The following PPFIA4 variants were observed in gnomAD, a reference collection of about 807,000 sequenced individuals.
PPFIA4 encodes the protein PPFI scaffold protein A4, also known as liprin-alpha-4.
Under a neutral mutation model 145.7 loss-of-function variants are expected in PPFIA4, and 98 were observed. The ratio of observed to expected loss-of-function variants is 0.67; its 90% CI spans 0.57 to 0.80. The LOEUF (loss-of-function observed/expected upper bound fraction) is 0.80. Among genes scored for constraint, PPFIA4 ranks in the 30% least tolerant of loss-of-function variants. PPFIA4 has a pLI of 0.00. For synonymous variants in PPFIA4, 628 were observed against 649.6 expected (o/e 0.97, Z 0.51); for missense variants, 1,457 against 1,632.7 (o/e 0.89, Z 1.85).
chr1:203,049,375 A>C (rs1474004530), intron 12 of PPFIA4, among the ~76,000 whole-genome samples: 2 of 152,182 alleles, frequency 1.3e-5, no homozygotes, highest in Non-Finnish European at 2.9e-5. Context: ...GCCCAGCCTC[A>C]TCTGCTGTGC....
Position 203,043,257 on chromosome 1 carries a change from C to A in PPFIA4, c.235-140C>A. On this transcript the variant is annotated intron_variant, in intron 2 of 29. Coordinates refer to ENST00000295706, the MANE Select transcript of PPFIA4 (RefSeq NM_001304331.2). The surrounding 1 kb of genome is among the most constrained non-coding windows in gnomAD (Gnocchi z 4.4). ...TGCTAGCTACAGGTTTACTGACCTG[C>A]AGTGTGGATGGATTGGGATTTTGTG... The A allele has an allele frequency of 4.3e-6, 3 of 701,108 alleles. No individual in the cohort carries two copies. Among genetic ancestry groups the A allele is most frequent in the Non-Finnish European group, 7.5e-6 (3 of 398,036 alleles). 43.4% of individuals were successfully genotyped at this position (701,108 alleles called of 1,614,324 possible).
At chr1:203,029,443 C>T (rs1658666525) in intron 1 of PPFIA4, among the ~76,000 whole-genome samples, 1 of 152,238 alleles carries the variant, frequency 6.6e-6, no homozygotes. Flanking sequence ...CTGGCTGTGC[C>T]AGAGACTGAG....
intron 1 of PPFIA4, among the ~76,000 whole-genome samples, chr1:203,033,198 T>C (rs188592194): frequency 1.3e-5 from 2 of 152,344 alleles, no homozygotes; most frequent in African/African-American, 4.8e-5. Context: ...TTGTGTGTTA[T>C]AATGTTCATT....
intron 2 of PPFIA4, among the ~76,000 whole-genome samples, chr1:203,039,945 T>G (rs1659582606): frequency 6.6e-6 from 1 of 152,236 alleles, no homozygotes; most frequent in South Asian, 2.1e-4. Flanking sequence ...AGGCAGGAAC[T>G]GAGCCTGGGG....
At chr1:203,045,764 G>A (rs1469938686) in intron 7 of PPFIA4, 77 bp from the exon 8 acceptor site, 4 of 1,600,580 alleles carry the variant, frequency 2.5e-6, no homozygotes, top group Non-Finnish European at 3.4e-6. Flanking sequence ...AATCAGCCAG[G>A]TGTGGGTGGG....
In PPFIA4 at chr1:203,051,419, T is replaced by C. The variant is rs549797721; in HGVS notation, c.1512-350T>C. ...GCCCTCCTGCGCCACGTGTGTCAGATGGCCGGAGAGCCTCTGCTCGAATAC... is the reference window on the plus strand; with the variant it reads ...GCCCTCCTGCGCCACGTGTGTCAGACGGCCGGAGAGCCTCTGCTCGAATAC... On this transcript the variant is annotated intron_variant, in intron 13 of 29. Coordinates refer to ENST00000295706, the MANE Select transcript of PPFIA4 (RefSeq NM_001304331.2). The C allele has an allele frequency of 1.2e-5, 9 of 770,792 alleles. No homozygotes were observed. The South Asian group carries it at 4.4e-4, about 37-fold the overall frequency. 47.7% of individuals were successfully genotyped at this position (770,792 alleles called of 1,614,324 possible).
chr1:203,065,009 G>A (rs59870796), intron 25 of PPFIA4, among the ~76,000 whole-genome samples: 1 of 152,216 alleles, frequency 6.6e-6, no homozygotes, highest in Non-Finnish European at 1.5e-5. Context: ...AGGGGTCTTC[G>A]AGGTTCTCTC....
In PPFIA4 at chr1:203,035,520, C is replaced by T. The variant is rs896755166; in HGVS notation, c.-399-3090C>T. 60 of 456,146 alleles carry T rather than the reference C, an allele frequency of 1.3e-4. 1 individual carries two copies. The highest frequency in any genetic ancestry group is 2.2e-4 in the Non-Finnish European group (49 of 226,648). 28.3% of individuals were successfully genotyped at this position (456,146 alleles called of 1,614,324 possible). A position where few individuals can be genotyped will look rare whatever the true frequency, so the allele number is the denominator to read the frequency against. On this transcript the variant is annotated intron_variant, in intron 1 of 29. Transcript: ENST00000295706. The stretch of plus-strand genomic sequence containing the variant: ...CCCCACCCCCACACACGCACACTCA[C>T]ACCCACTCACTCTTGAGCCCTCTTC...
chr1:203,049,579 A>C, intron 12 of PPFIA4, 97 bp from the exon 13 acceptor site: 1 of 1,087,898 alleles, frequency 9.2e-7, no homozygotes, highest in African/African-American at 1.6e-5. Context: ...CTTCTCCCCA[A>C]CTCTGCTGTC....
rs758219065 is a variant in PPFIA4, at chr1:203,071,760, C to T, written c.3393C>T (p.Asp1131=). The T allele has an allele frequency of 9.3e-6, 15 of 1,609,812 alleles. No homozygotes were observed. The highest frequency in any genetic ancestry group is 1.3e-5 in the Non-Finnish European group (15 of 1,176,850). The change falls in exon 28 of 30, where the codon GAC becomes GAT. Residue 1131 remains aspartate (D), a splice_region_variant and synonymous_variant. Transcript: ENST00000295706. ...TGGGCACAGACCGGAAGCTGGATGA[C>T]GTGAGTACCTGGCCATGAATTAGGA... is the stretch of plus-strand genomic sequence containing the variant. ...LALGTDRKLD[D]GDDKVFRRAP...
intron 19 of PPFIA4, 102 bp from the exon 20 acceptor site, chr1:203,059,076 C>G (rs1397128116): frequency 1.1e-6 from 1 of 904,352 alleles, no homozygotes; most frequent in African/African-American, 1.7e-5. Flanking sequence ...ATGGGTTGTC[C>G]TCTGCCAAGG....
chr1:203,046,440 G>A, intron 9 of PPFIA4, 58 bp downstream of exon 9: 1 of 1,516,336 alleles, frequency 6.6e-7, no homozygotes, highest in Non-Finnish European at 8.9e-7. Flanking sequence ...AGCTCTCAGG[G>A]AGCCAGGCAG....
At chr1:203,067,912 T>C in intron 26 of PPFIA4, 120 bp downstream of exon 26, 1 of 844,312 alleles carries the variant, frequency 1.2e-6, no homozygotes, top group Non-Finnish European at 1.9e-6. Flanking sequence ...AAAAGGAAGA[T>C]GCAGCCTCAC....
chr1:203,066,408 A>G (rs1661734361), intron 25 of PPFIA4, among the ~76,000 whole-genome samples: 1 of 152,236 alleles, frequency 6.6e-6, no homozygotes, highest in Non-Finnish European at 1.5e-5. Flanking sequence ...TGCCCTCAAT[A>G]AGAGTCAAAA....
Position 203,060,926 on chromosome 1 carries a change from G to T in PPFIA4, c.2785-44G>T, listed in dbSNP as rs751309172. 6.3e-7 allele frequency: 1 copy of T among 1,593,810 alleles called. No individual in the cohort carries two copies. Among genetic ancestry groups the T allele is most frequent in the Non-Finnish European group, 8.6e-7 (1 of 1,162,082 alleles). ...GGCTCCCAGCCTGATGGGGATCCTGGGGACCCACACCCAGGACCAGCTAGG... is the reference window on the plus strand; with the variant it reads ...GGCTCCCAGCCTGATGGGGATCCTGTGGACCCACACCCAGGACCAGCTAGG... On this transcript the variant is annotated intron_variant, in intron 22 of 29. Transcript: ENST00000295706. This position sits in a 1 kb window ranked among gnomAD's most constrained non-coding sequence, Gnocchi z 4.8.
rs757905047 is a variant in PPFIA4 at position 203,039,229 on chromosome 1, C to T, written c.221C>T (p.Ser74Phe). The change falls in exon 2 of 30, where the codon TCC (serine) becomes TTC (phenylalanine). Residue 74 changes from serine to phenylalanine, a missense_variant. By Grantham distance (155) the Ser-to-Phe change is radical (BLOSUM62 -2). This residue lies in a region of PPFIA4 where 463 missense variants were observed against 459.8 expected (regional missense o/e 1.01). Coordinates refer to ENST00000295706, the MANE Select transcript of PPFIA4 (RefSeq NM_001304331.2). ...ERDQLQRHLN[S>F]ALPQEFATLT... ...GACCAGCTCCAGCGCCACCTTAACT[C>T]CGCCCTCCCCCAGGTAAGGCCCGAA... 3 of 1,588,382 alleles carry T rather than the reference C, an allele frequency of 1.9e-6. No homozygotes were observed. In the African/African-American group the frequency reaches 4.0e-5, roughly 21 times the overall value.
chr1:203,040,087 A>G (rs897137496), intron 2 of PPFIA4, among the ~76,000 whole-genome samples: 8 of 152,230 alleles, frequency 5.3e-5, no homozygotes, highest in African/African-American at 1.4e-4. Context: ...AGGAGGGAGC[A>G]GGAGCCTGGA....
chr1:203,056,184 A>C (rs1660930173), intron 17 of PPFIA4, 29 bp downstream of exon 17: 1 of 1,613,594 alleles, frequency 6.2e-7, no homozygotes, highest in Admixed American at 1.7e-5. Flanking sequence ...CCCAGGTACT[A>C]ACGGGTTCAC....
At chr1:203,051,557 T>C (rs1194741400) in intron 13 of PPFIA4, 2 of 893,422 alleles carry the variant, frequency 2.2e-6, no homozygotes, top group East Asian at 3.2e-5. Flanking sequence ...TGGAACTTTC[T>C]CCCCTGGCTC....
Sources: gnomAD v4.1 joint callset for allele counts (sites outside exome capture counted in the v4.1 genomes callset) on GRCh38, gnomAD v4.1.1 for gene constraint, gnomAD v4.1.1 regional missense constraint, Gnocchi (gnomAD v3.1) non-coding constraint, MANE v1.5 for transcripts, NCBI Gene and HGNC (gene_info 2026-07-23, HGNC 2026-07-21) for gene names.